PAN3: variants seen among roughly 807,000 people sequenced by gnomAD.
The protein encoded by PAN3 is PAN2-PAN3 deadenylation complex subunit PAN3.
Under a neutral mutation model 96.2 loss-of-function variants are expected in PAN3, and 19 were observed. The observed-to-expected ratio is 0.20, with a 90% CI of 0.14 to 0.29. The LOEUF (loss-of-function observed/expected upper bound fraction) is 0.29. Among genes scored for constraint, PAN3 ranks in the 10% least tolerant of loss-of-function variants. PAN3 has a pLI of 1.00. For synonymous variants in PAN3, 433 were observed against 406.6 expected (o/e 1.06, Z -0.78); for missense variants, 882 against 1,108.1 (o/e 0.80, Z 2.90).
At chr13:28,194,464 ATATTTT>A (rs1877744121) in intron 4 of PAN3, among the ~76,000 whole-genome samples, 2 of 106,672 alleles carry the variant, frequency 1.9e-5, no homozygotes, top group South Asian at 5.7e-4. Context: ...ATATATATAT[ATATTTT>A]TTTTTTTTTT....
intron 1 of PAN3, among the ~76,000 whole-genome samples, chr13:28,155,479 A>G (rs1017743718): frequency 6.6e-6 from 1 of 152,078 alleles, no homozygotes; most frequent in Non-Finnish European, 1.5e-5. Flanking sequence ...ATTCTCAGCC[A>G]CTGGGAGGCT....
intron 7 of PAN3, among the ~76,000 whole-genome samples, chr13:28,259,561 G>T (rs916050998): frequency 8.6e-5 from 13 of 151,616 alleles, no homozygotes; most frequent in African/African-American, 3.1e-4. Flanking sequence ...TACCATGTTG[G>T]CCAGGCTGGC....
rs1031467146 is a variant in PAN3 at position 28,257,753 on chromosome 13, TA to T, written c.1248+1216del. On this transcript the variant is annotated intron_variant, in intron 7 of 18. Transcript: ENST00000380958. ...TTATATATAAATTATATATAATATATAATTAATTATATATTATATATAAATT... is the reference window on the plus strand; with the variant it reads ...TTATATATAAATTATATATAATATATATTAATTATATATTATATATAAATT... Among the ~76,000 whole-genome samples, 689 of 137,796 alleles carry T rather than the reference TA, an allele frequency of 5.0e-3. 4 individuals are homozygous for T. The highest frequency in any genetic ancestry group is 0.015 in the African/African-American group (546 of 36,644). The allele number at this position is 137,796 out of a possible 152,430, so 90.4% of individuals were successfully genotyped here.
chr13:28,154,916 G>C (rs186152807), intron 1 of PAN3, among the ~76,000 whole-genome samples: 60 of 151,242 alleles, frequency 4.0e-4, no homozygotes, highest in African/African-American at 1.5e-3. Flanking sequence ...CACCTCCCGG[G>C]TTCACGCCAT....
At chr13:28,232,198 T>C (rs999404529) in intron 6 of PAN3, among the ~76,000 whole-genome samples, 1 of 152,080 alleles carries the variant, frequency 6.6e-6, no homozygotes, top group Non-Finnish European at 1.5e-5. Flanking sequence ...GCTGTAAAAA[T>C]GAGGATAAGG....
chr13:28,201,352 C>A (rs1878674809), intron 5 of PAN3, among the ~76,000 whole-genome samples: 1 of 151,784 alleles, frequency 6.6e-6, no homozygotes, highest in Non-Finnish European at 1.5e-5. Flanking sequence ...CATGAAATTT[C>A]TTTCTTTGCA....
At chr13:28,274,551 C>T (rs1315338795) in intron 14 of PAN3, among the ~76,000 whole-genome samples, 1 of 150,362 alleles carries the variant, frequency 6.7e-6, no homozygotes. Context: ...GGTTCCTTTT[C>T]AAGTATGTTA....
intron 4 of PAN3, among the ~76,000 whole-genome samples, chr13:28,182,465 C>T (rs151240144): frequency 1.3e-5 from 2 of 151,966 alleles, no homozygotes; most frequent in African/African-American, 4.8e-5. Flanking sequence ...AGTCAATATG[C>T]GGTTTTATGT....
At chr13:28,202,180 ATAT>A (rs1202886289) in intron 5 of PAN3, among the ~76,000 whole-genome samples, 1 of 152,198 alleles carries the variant, frequency 6.6e-6, no homozygotes, top group African/African-American at 2.4e-5. Context: ...CAATAATCAC[ATAT>A]TATCCCCATT....
At chr13:28,260,914 T>A (rs1885663225) in intron 8 of PAN3, among the ~76,000 whole-genome samples, 1 of 152,168 alleles carries the variant, frequency 6.6e-6, no homozygotes, top group Non-Finnish European at 1.5e-5. Flanking sequence ...GGAAATAACT[T>A]TAAGAGAGCT....
chr13:28,221,198 T>G (rs987972811), intron 6 of PAN3, among the ~76,000 whole-genome samples: 1 of 152,128 alleles, frequency 6.6e-6, no homozygotes, highest in Non-Finnish European at 1.5e-5. Flanking sequence ...ATACCTTGAT[T>G]TGGAAAGTAA....
intron 5 of PAN3, among the ~76,000 whole-genome samples, chr13:28,205,432 A>AC (rs1183795584): frequency 4.6e-5 from 7 of 151,948 alleles, no homozygotes; most frequent in African/African-American, 1.7e-4. Context: ...CTCAACCCTT[A>AC]CTCTATCACT....
intron 17 of PAN3, among the ~76,000 whole-genome samples, chr13:28,285,647 T>C (rs1868886932): frequency 6.6e-6 from 1 of 152,218 alleles, no homozygotes; most frequent in African/African-American, 2.4e-5. Context: ...GTTAGACCTT[T>C]GCAATTGATT....
At chr13:28,263,143 ATTTG>A (rs1474552338) in intron 9 of PAN3, among the ~76,000 whole-genome samples, 5 of 152,162 alleles carry the variant, frequency 3.3e-5, no homozygotes, top group African/African-American at 4.8e-5. Flanking sequence ...CATATGAAGA[ATTTG>A]TTTGTGTATT....
intron 1 of PAN3, among the ~76,000 whole-genome samples, chr13:28,153,751 C>T (rs1047467899): frequency 2.0e-5 from 3 of 152,276 alleles, no homozygotes; most frequent in South Asian, 2.1e-4. Flanking sequence ...CCTCCAGATG[C>T]TAGCTTACTA....
At chr13:28,284,333 GTCTT>G (rs1220344301) in intron 17 of PAN3, among the ~76,000 whole-genome samples, 1 of 147,704 alleles carries the variant, frequency 6.8e-6, no homozygotes, top group Non-Finnish European at 1.5e-5. Context: ...TGGATTGCTT[GTCTT>G]TCTTATTGAT....
chr13:28,272,572 CTTTT>C (rs1320004749), intron 14 of PAN3, among the ~76,000 whole-genome samples: 2 of 143,146 alleles, frequency 1.4e-5, no homozygotes, highest in African/African-American at 5.1e-5. Flanking sequence ...GTCAGAGACT[CTTTT>C]TTTTTTTTTT....
intron 6 of PAN3, among the ~76,000 whole-genome samples, chr13:28,227,169 A>T (rs1264879786): frequency 6.6e-6 from 1 of 152,142 alleles, no homozygotes; most frequent in Non-Finnish European, 1.5e-5. Flanking sequence ...CTCAGTTGGG[A>T]ATTTCAGGAA....
intron 6 of PAN3, among the ~76,000 whole-genome samples, chr13:28,238,562 T>C (rs7333704): frequency 0.057 from 8,677 of 152,260 alleles, 314 homozygotes; most frequent in South Asian, 0.15. Context: ...ATGTTAAAAC[T>C]TGGAAATGAG....
Sources: gnomAD v4.1 joint callset for allele counts (sites outside exome capture counted in the v4.1 genomes callset) on GRCh38, gnomAD v4.1.1 for gene constraint, MANE v1.5 for transcripts, NCBI Gene and HGNC (gene_info 2026-07-23, HGNC 2026-07-21) for gene names.